Variants in ARHGEF33 observed in about 807,000 individuals in gnomAD.
ARHGEF33 encodes DH and coiled-coil domain-containing protein ENSP00000381780.
Under a neutral mutation model 101.9 loss-of-function variants are expected in ARHGEF33, and 72 were observed. The ratio of observed to expected loss-of-function variants is 0.71; its 90% CI spans 0.58 to 0.86. The LOEUF is 0.86. Among genes scored for constraint, ARHGEF33 ranks in the 40% least tolerant of loss-of-function variants. The pLI is 0.00. For missense variants in ARHGEF33, 1,169 were observed against 1,111.3 expected (o/e 1.05, Z -0.74); for synonymous variants, 499 against 442.5 (o/e 1.13, Z -1.60).
intron 17 of ARHGEF33, among the ~76,000 whole-genome samples, chr2:38,970,221 ACTGT>A (rs1197427914): frequency 6.6e-6 from 1 of 152,118 alleles, no homozygotes; most frequent in African/African-American, 2.4e-5. Context: ...TAATCCCATC[ACTGT>A]CTATTTTCTT....
At chr2:38,937,589 A>G (rs976685412) in intron 9 of ARHGEF33, 30 bp downstream of exon 9, 2 of 1,263,338 alleles carry the variant, frequency 1.6e-6, no homozygotes, top group Admixed American at 2.0e-5. Flanking sequence ...GCAGGCTAAT[A>G]GTTTAAAGAA....
chr2:38,968,107 A>G (rs2124431768), intron 17 of ARHGEF33, among the ~76,000 whole-genome samples: 1 of 152,194 alleles, frequency 6.6e-6, no homozygotes, highest in East Asian at 1.9e-4. Flanking sequence ...AGATGTAAGA[A>G]AATGTTTTGC....
chr2:38,903,554 A>G (rs1458083036), intron 2 of ARHGEF33, among the ~76,000 whole-genome samples: 1 of 152,210 alleles, frequency 6.6e-6, no homozygotes, highest in African/African-American at 2.4e-5. Context: ...CCAGGTGTTA[A>G]GAAGAAAGAA....
intron 10 of ARHGEF33, among the ~76,000 whole-genome samples, chr2:38,945,132 C>G (rs562763115): frequency 6.6e-6 from 1 of 152,266 alleles, no homozygotes; most frequent in Non-Finnish European, 1.5e-5. Context: ...GGATTATGGA[C>G]TACTGTGGAC....
intron 2 of ARHGEF33, among the ~76,000 whole-genome samples, chr2:38,897,474 CTCTCTG>C (rs2124977698): frequency 6.6e-6 from 1 of 152,318 alleles, no homozygotes; most frequent in South Asian, 2.1e-4. Flanking sequence ...CTAGAACTCA[CTCTCTG>C]TTTCCCAGGG....
At position 38,952,617 on chromosome 2, in the gene ARHGEF33, C is replaced by T. The variant is rs190589414; in HGVS notation, c.1054-545C>T. ...CCTCCTCCCTGGTTTCATTATTTCA[C>T]TTTCTCTCATTAGGGAGGGGATGCT... On this transcript the variant is annotated intron_variant, in intron 11 of 17. Coordinates refer to ENST00000409978, the MANE Select transcript of ARHGEF33 (RefSeq NM_001145451.5). 7.6e-4 allele frequency among the ~76,000 whole-genome samples: 116 copies of T among 152,292 alleles called. 1 individual carries two copies. Among genetic ancestry groups the T allele is most frequent in the Middle Eastern group, 3.4e-3 (1 of 294 alleles).
chr2:38,935,743 A>G (rs1480748939), intron 7 of ARHGEF33, 32 bp from the exon 8 acceptor site: 7 of 1,542,926 alleles, frequency 4.5e-6, no homozygotes, highest in Non-Finnish European at 6.1e-6. Context: ...TAGTGGAATG[A>G]ACGCTGAATG....
intron 9 of ARHGEF33, among the ~76,000 whole-genome samples, chr2:38,940,719 C>T (rs1257911353): frequency 1.3e-5 from 2 of 152,180 alleles, no homozygotes; most frequent in East Asian, 1.9e-4. Context: ...TGATTTACTG[C>T]AACTGCTGTA....
rs115107487 is a variant in ARHGEF33 at position 38,942,943 on chromosome 2, T to C, written c.791-958T>C. Among the ~76,000 whole-genome samples, 325 of 152,300 alleles carry C rather than the reference T, an allele frequency of 2.1e-3. 1 individual carries two copies. Among genetic ancestry groups the C allele is most frequent in the African/African-American group, 7.3e-3 (302 of 41,550 alleles). On this transcript the variant is annotated intron_variant, in intron 9 of 17. Coordinates refer to ENST00000409978, the MANE Select transcript of ARHGEF33 (RefSeq NM_001145451.5). ...TTTGATAATTGACCTCTTTTTGTTT[T>C]TTGAGAGAGAGTCTTGCTCTGTCAC...
chr2:38,958,664 GA>G (rs1667835639), intron 15 of ARHGEF33, among the ~76,000 whole-genome samples: 1 of 152,044 alleles, frequency 6.6e-6, no homozygotes, highest in African/African-American at 2.4e-5. Flanking sequence ...TTCATTTTCA[GA>G]CCACCAGAGT....
At chr2:38,962,759 A>G (rs1667972793) in intron 16 of ARHGEF33, among the ~76,000 whole-genome samples, 1 of 147,404 alleles carries the variant, frequency 6.8e-6, no homozygotes, top group Admixed American at 7.2e-5. Context: ...TCACGCCCGT[A>G]ATCCTAGCAC....
chr2:38,917,828 CAAAA>C (rs537310536), intron 2 of ARHGEF33, among the ~76,000 whole-genome samples: 4 of 75,338 alleles, frequency 5.3e-5, no homozygotes, highest in Non-Finnish European at 8.2e-5. Flanking sequence ...GACCTTGTCT[CAAAA>C]AAAAAAAAAA....
rs759734974 is a variant in ARHGEF33, at chr2:38,898,102, A to C, written c.-86+2253A>C. On this transcript the variant is annotated intron_variant, in intron 2 of 17. Coordinates refer to ENST00000409978, the MANE Select transcript of ARHGEF33 (RefSeq NM_001145451.5). The stretch of plus-strand genomic sequence containing the variant: ...GTCTATATTAGTGCATGGCTAAATA[A>C]ATCATCATGAGAATAGTAATTTGGA... Among the ~76,000 whole-genome samples, 28 of 152,354 alleles carry C rather than the reference A, an allele frequency of 1.8e-4. 1 individual carries two copies. The highest frequency in any genetic ancestry group is 2.1e-4 in the South Asian group (1 of 4,832).
chr2:38,908,939 G>C (rs183745073), intron 2 of ARHGEF33, among the ~76,000 whole-genome samples: 19 of 152,322 alleles, frequency 1.2e-4, no homozygotes, highest in Admixed American at 9.2e-4. Context: ...TTGTTGATGT[G>C]AAGCAAGTTG....
intron 15 of ARHGEF33, chr2:38,959,526 T>A (rs1011392094): frequency 3.7e-6 from 1 of 273,118 alleles, no homozygotes; most frequent in African/African-American, 2.2e-5. Flanking sequence ...AGAAGAGAGT[T>A]GAAGGTGTGC....
At chr2:38,924,567 T>G (rs188199515) in intron 4 of ARHGEF33, among the ~76,000 whole-genome samples, 4 of 152,230 alleles carry the variant, frequency 2.6e-5, no homozygotes, top group African/African-American at 9.6e-5. Flanking sequence ...TTAAGCTCAC[T>G]TGTAGCCTTA....
intron 11 of ARHGEF33, among the ~76,000 whole-genome samples, chr2:38,952,281 T>A (rs1485178577): frequency 6.6e-6 from 1 of 152,262 alleles, no homozygotes; most frequent in Non-Finnish European, 1.5e-5. Context: ...TATAATGTAC[T>A]AATATCCTCT....
intron 3 of ARHGEF33, among the ~76,000 whole-genome samples, chr2:38,920,550 G>T (rs543206984): frequency 3.3e-5 from 5 of 152,000 alleles, no homozygotes; most frequent in Admixed American, 1.3e-4. Context: ...TGGGATTACA[G>T]GTGCCTGCCA....
intron 10 of ARHGEF33, among the ~76,000 whole-genome samples, chr2:38,945,247 T>C (rs1355252156): frequency 6.6e-6 from 1 of 152,200 alleles, no homozygotes; most frequent in African/African-American, 2.4e-5. Flanking sequence ...TTCTTGCTCC[T>C]TACCATCCCC....
Sources: allele counts gnomAD v4.1 joint callset (sites outside exome capture counted in the v4.1 genomes callset), GRCh38; gene constraint gnomAD v4.1.1; transcripts MANE v1.5; gene names NCBI Gene and HGNC (gene_info 2026-07-23, HGNC 2026-07-21).